The following ACER1 variants were observed in gnomAD, a reference collection of about 807,000 sequenced individuals.
ACER1 encodes the protein CTB-180A7.3.
Under a neutral mutation model 24.9 loss-of-function variants are expected in ACER1, and 28 were observed. The observed-to-expected ratio is 1.13, with a 90% CI of 0.83 to 1.54. The LOEUF is 1.54. ACER1 is among the 40% of genes most tolerant of loss of function. The pLI, the probability that ACER1 is intolerant of heterozygous loss-of-function variation, is 0.00. For synonymous variants in ACER1, 132 were observed against 131.4 expected (o/e 1.00, Z -0.03); for missense variants, 352 against 349.3 (o/e 1.01, Z -0.06).
rs753243231 is a variant in ACER1 at position 6,306,733 on chromosome 19, C to A, written c.776G>T (p.Gly259Val). 42 of 1,611,198 alleles carry A rather than the reference C, an allele frequency of 2.6e-5. No homozygotes were observed. Among genetic ancestry groups the A allele is most frequent in the Non-Finnish European group, 3.2e-5 (38 of 1,178,358 alleles). Residue 259 changes from glycine to valine, a missense_variant, in exon 6 of 6, where the codon GGT becomes GTT. Physicochemically the swap from Gly to Val is moderately radical, Grantham distance 109. Transcript: ENST00000301452. Reference protein sequence around the residue: ...PVGLPYVEIRGDDKDC With the variant: ...PVGLPYVEIRVDDKDC ...CAGGTCTCAGCAGTCCTTGTCATCACCCCGGATTTCCACGTAGGGCAGCCC... is the reference window on the plus strand; with the variant it reads ...CAGGTCTCAGCAGTCCTTGTCATCAACCCGGATTTCCACGTAGGGCAGCCC...
the ACER1 span, among the ~76,000 whole-genome samples, chr19:6,355,703 T>A: frequency 2.4e-5 from 3 of 123,152 alleles, no homozygotes; most frequent in South Asian, 2.6e-4. Flanking sequence ...TACTGGGAAG[T>A]GAGGAGCCCC....
At position 6,306,758 on chromosome 19, in the gene ACER1, C is replaced by G. The variant is rs769731134; in HGVS notation, c.751G>C (p.Gly251Arg). 1.2e-6 allele frequency: 2 copies of G among 1,613,998 alleles called. No individual in the cohort carries two copies. The highest frequency in any genetic ancestry group is 1.7e-6 in the Non-Finnish European group (2 of 1,179,912). ...CCCCGGATTTCCACGTAGGGCAGCC[C>G]CACGGGCCAACTGTCCCGAGGCCAG... is the stretch of plus-strand genomic sequence containing the variant. The part of the protein sequence containing the change: ...RYWPRDSWPV[G>R]LPYVEIRGDD... The change falls in exon 6 of 6, where the codon GGG becomes CGG. Residue 251 changes from glycine (G) to arginine (R), a missense_variant. Coordinates refer to ENST00000301452, the MANE Select transcript of ACER1 (RefSeq NM_133492.3).
chr19:6,352,874 A>G, the ACER1 span, among the ~76,000 whole-genome samples: 1 of 152,202 alleles, frequency 6.6e-6, no homozygotes, highest in African/African-American at 2.4e-5. Flanking sequence ...GCCCATTTGC[A>G]TTCATTCCAG....
intron 1 of ACER1, among the ~76,000 whole-genome samples, chr19:6,327,133 G>A (rs1054497515): frequency 6.6e-6 from 1 of 152,154 alleles, no homozygotes; most frequent in African/African-American, 2.4e-5. Context: ...CTCCCAAACA[G>A]AGCAGCAAGA....
At chr19:6,347,218 C>CTTTTTTTTT in the ACER1 span, among the ~76,000 whole-genome samples, 8 of 132,202 alleles carry the variant, frequency 6.1e-5, no homozygotes, top group African/African-American at 1.3e-4. Flanking sequence ...CTTTTCTTTT[C>CTTTTTTTTT]TTTTTCTTTT....
intron 1 of ACER1, among the ~76,000 whole-genome samples, chr19:6,325,432 C>T (rs2091656390): frequency 6.6e-6 from 1 of 152,152 alleles, no homozygotes; most frequent in Non-Finnish European, 1.5e-5. Flanking sequence ...GTGGGTGGAT[C>T]ACTTGAGGTC....
intron 1 of ACER1, among the ~76,000 whole-genome samples, chr19:6,329,354 GATATAGA>G (rs1188190369): frequency 1.5e-3 from 53 of 35,028 alleles, no homozygotes; most frequent in African/African-American, 7.6e-3. Flanking sequence ...GAGGCTTTTT[GATATAGA>G]ATAGAATAGA....
chr19:6,324,595 TAA>T (rs375248245), intron 1 of ACER1, among the ~76,000 whole-genome samples: 10 of 137,972 alleles, frequency 7.2e-5, no homozygotes, highest in Non-Finnish European at 4.7e-5. Context: ...CCATCTCTAC[TAA>T]AAAAAAAAAA....
In ACER1 at chr19:6,306,765, C is replaced by A; in HGVS notation, c.744G>T (p.Trp248Cys). 6.2e-7 allele frequency: 1 copy of A among 1,614,050 alleles called. No individual in the cohort carries two copies. The highest frequency in any genetic ancestry group is 8.5e-7 in the Non-Finnish European group (1 of 1,179,940). ...LKVRYWPRDS[W>C]PVGLPYVEIR... ...TTTCCACGTAGGGCAGCCCCACGGG[C>A]CAACTGTCCCGAGGCCAGTAGCGGA... The change falls in exon 6 of 6, where the codon TGG (tryptophan) becomes TGT (cysteine). Residue 248 changes from tryptophan to cysteine, a missense_variant. Transcript: ENST00000301452.
At chr19:6,319,973 G>A (rs1383880015) in intron 1 of ACER1, among the ~76,000 whole-genome samples, 1 of 151,806 alleles carries the variant, frequency 6.6e-6, no homozygotes, top group Non-Finnish European at 1.5e-5. Flanking sequence ...TAGCCGGTGT[G>A]GTGGTGGATG....
chr19:6,324,747 C>G (rs2044044297), intron 1 of ACER1, among the ~76,000 whole-genome samples: 1 of 147,186 alleles, frequency 6.8e-6, no homozygotes, highest in South Asian at 2.1e-4. Flanking sequence ...GAAACTCCAT[C>G]TCAAAACAAA....
rs765095446 is a variant in ACER1 at position 6,306,699 on chromosome 19, A to G, written c.*15T>C. On this transcript the variant is annotated 3_prime_UTR_variant, in exon 6 of 6. Transcript: ENST00000301452. ...AAGTTGTTGGGTGGTTGGATAGTCAAGAGGCTGGCAGGTCTCAGCAGTCCT... is the reference window on the plus strand; with the variant it reads ...AAGTTGTTGGGTGGTTGGATAGTCAGGAGGCTGGCAGGTCTCAGCAGTCCT... 9 of 1,592,486 alleles carry G rather than the reference A, an allele frequency of 5.7e-6. No individual in the cohort carries two copies. In the South Asian group the frequency reaches 1.0e-4, roughly 18 times the overall value.
chr19:6,350,414 A>T, the ACER1 span, among the ~76,000 whole-genome samples: 722 of 151,728 alleles, frequency 4.8e-3, 5 homozygotes, highest in African/African-American at 0.016. Flanking sequence ...TAATAAAATT[A>T]AAAAAAATTA....
chr19:6,351,972 C>A, the ACER1 span, among the ~76,000 whole-genome samples: 1 of 150,546 alleles, frequency 6.6e-6, no homozygotes, highest in South Asian at 2.1e-4. Context: ...AGGAGAATGG[C>A]GTGAACCTGG....
At chr19:6,338,156 T>C (rs1291385534), upstream of ACER1, among the ~76,000 whole-genome samples, 2 of 152,170 alleles carry the variant, frequency 1.3e-5, no homozygotes, top group South Asian at 2.1e-4. Context: ...AGATGGAGTC[T>C]TGCTCCGTTT....
the ACER1 span, chr19:6,353,370 C>G: frequency 6.6e-6 from 1 of 152,228 alleles, no homozygotes; most frequent in Non-Finnish European, 1.5e-5. Context: ...AACTCTTTCC[C>G]TCTGTTGACA....
chr19:6,358,544 G>A, the ACER1 span, among the ~76,000 whole-genome samples: 1 of 151,354 alleles, frequency 6.6e-6, no homozygotes, highest in Non-Finnish European at 1.5e-5. Context: ...GGAGAATGGC[G>A]TGAACCTGGG....
At chr19:6,321,864 G>A (rs1162499112) in intron 1 of ACER1, among the ~76,000 whole-genome samples, 1 of 152,012 alleles carries the variant, frequency 6.6e-6, no homozygotes, top group African/African-American at 2.4e-5. Flanking sequence ...TGCCCACCAC[G>A]GCCTCCCAAA....
At chr19:6,309,899 T>C in intron 3 of ACER1, 65 bp from the exon 4 acceptor site, 6 of 1,596,160 alleles carry the variant, frequency 3.8e-6, no homozygotes, top group Non-Finnish European at 5.1e-6. Context: ...CATGGTCACT[T>C]GGAGATCCCG....
Sources: gnomAD v4.1 joint callset for allele counts (sites outside exome capture counted in the v4.1 genomes callset) on GRCh38, gnomAD v4.1.1 for gene constraint, MANE v1.5 for transcripts, NCBI Gene and HGNC (gene_info 2026-07-23, HGNC 2026-07-21) for gene names.